OPCML: variants seen among roughly 807,000 people sequenced by gnomAD.
OPCML encodes opioid binding protein/cell adhesion molecule like.
A neutral mutation model predicts 37.8 loss-of-function variants in OPCML; 13 were observed. That is an observed-to-expected ratio of 0.34 (90% CI 0.22 to 0.55). The LOEUF (loss-of-function observed/expected upper bound fraction) is 0.55. Among genes scored for constraint, OPCML ranks in the 20% least tolerant of loss-of-function variants. The probability of loss-of-function intolerance (pLI) is 0.91; values close to 1 mark genes in which losing one functional copy is unlikely to be tolerated. For missense variants in OPCML, 341 were observed against 435.6 expected (o/e 0.78, Z 1.93); for synonymous variants, 176 against 168.8 (o/e 1.04, Z -0.33).
At position 133,230,504 on chromosome 11, in the gene OPCML, T is replaced by C. The variant is rs144884250; in HGVS notation, c.62-287494A>G. 8.7e-4 allele frequency among the ~76,000 whole-genome samples: 133 copies of C among 152,312 alleles called. 3 individuals carry two copies. The East Asian group carries it at 0.022, about 25-fold the overall frequency. Reference sequence around the variant, plus strand: ...GAACAAAAGCACAGGCCTTGAACCCTAACTGAAACAAGAGGTTTTCTCTCT... The same window carrying C: ...GAACAAAAGCACAGGCCTTGAACCCCAACTGAAACAAGAGGTTTTCTCTCT... On this transcript the variant is annotated intron_variant, in intron 1 of 7. Coordinates refer to ENST00000524381, the MANE Select transcript of OPCML (RefSeq NM_001012393.5).
At chr11:132,706,625 A>T (rs1013151627) in intron 2 of OPCML, among the ~76,000 whole-genome samples, 5 of 152,124 alleles carry the variant, frequency 3.3e-5, no homozygotes, top group African/African-American at 1.2e-4. Context: ...GTAAAATTCC[A>T]TTATGCGAGC....
intron 1 of OPCML, among the ~76,000 whole-genome samples, chr11:133,279,000 C>T (rs1942067295): frequency 6.6e-6 from 1 of 152,180 alleles, no homozygotes; most frequent in South Asian, 2.1e-4. Context: ...TGCAATCACC[C>T]GCTGGATTAA....
Position 133,410,634 on chromosome 11 carries a change from T to TAAAAAAAA in OPCML, c.61+121622_61+121629dup, listed in dbSNP as rs71038527. Among the ~76,000 whole-genome samples, 12 of 47,006 alleles carry TAAAAAAAA rather than the reference T, an allele frequency of 2.6e-4. 3 individuals are homozygous for TAAAAAAAA. Among genetic ancestry groups the TAAAAAAAA allele is most frequent in the East Asian group, 1.7e-3 (2 of 1,152 alleles). The allele number at this position is 47,006 out of a possible 152,430, so 30.8% of individuals were successfully genotyped here. A position where few individuals can be genotyped will look rare whatever the true frequency, so the allele number is the denominator to read the frequency against. ...TGAAAGCACACGTTAAGAAAAAAAG[T>TAAAAAAAA]AAAAAAAAAAAAAAAAAAAAAAAAA... On this transcript the variant is annotated intron_variant, in intron 1 of 7. Transcript: ENST00000524381.
chr11:133,355,588 G>A (rs994712681), intron 1 of OPCML, among the ~76,000 whole-genome samples: 3 of 152,124 alleles, frequency 2.0e-5, no homozygotes, highest in Admixed American at 6.5e-5. Flanking sequence ...CTACTATGTC[G>A]GTGGCACAGC....
intron 7 of OPCML, among the ~76,000 whole-genome samples, chr11:132,430,057 C>T (rs1337198468): frequency 2.0e-5 from 3 of 152,102 alleles, no homozygotes; most frequent in African/African-American, 7.2e-5. Context: ...TAGAGGGAGA[C>T]AGATCGTGGT....
At chr11:133,379,314 A>G (rs1565603233) in intron 1 of OPCML, among the ~76,000 whole-genome samples, 1 of 152,058 alleles carries the variant, frequency 6.6e-6, no homozygotes, top group Admixed American at 6.5e-5. Flanking sequence ...GGTCTTCTAC[A>G]CCCCTGTGCG....
At chr11:133,324,851 A>C (rs989161995) in intron 1 of OPCML, among the ~76,000 whole-genome samples, 1 of 152,086 alleles carries the variant, frequency 6.6e-6, no homozygotes, top group Admixed American at 6.6e-5. Flanking sequence ...TATGTTCTAT[A>C]TATAGAATTA....
At chr11:132,794,271 G>A (rs1938150220) in intron 2 of OPCML, among the ~76,000 whole-genome samples, 2 of 152,080 alleles carry the variant, frequency 1.3e-5, no homozygotes, top group South Asian at 4.1e-4. Flanking sequence ...TTTATTCTGA[G>A]GCTCTCTTTA....
At chr11:132,504,231 G>T (rs1234151456) in intron 4 of OPCML, among the ~76,000 whole-genome samples, 1 of 152,100 alleles carries the variant, frequency 6.6e-6, no homozygotes, top group Non-Finnish European at 1.5e-5. Flanking sequence ...ATGAAACAAA[G>T]ATTTCAAAGA....
chr11:132,668,940 T>G (rs1942339306), intron 2 of OPCML, among the ~76,000 whole-genome samples: 1 of 152,278 alleles, frequency 6.6e-6, no homozygotes, highest in Non-Finnish European at 1.5e-5. Flanking sequence ...AGGTTTATTT[T>G]CTCAGCTATA....
At chr11:132,668,013 C>T (rs1369307645) in intron 2 of OPCML, among the ~76,000 whole-genome samples, 2 of 152,034 alleles carry the variant, frequency 1.3e-5, no homozygotes, top group East Asian at 1.9e-4. Context: ...ACAGGAATTA[C>T]AAAATATTGA....
At chr11:132,534,387 A>G (rs2096334629) in intron 3 of OPCML, among the ~76,000 whole-genome samples, 1 of 152,210 alleles carries the variant, frequency 6.6e-6, no homozygotes, top group South Asian at 2.1e-4. Context: ...AGTAATTAGA[A>G]CTGTGCTTGC....
chr11:132,803,081 G>T (rs56195105), intron 2 of OPCML, among the ~76,000 whole-genome samples: 2 of 152,036 alleles, frequency 1.3e-5, no homozygotes, highest in African/African-American at 4.8e-5. Flanking sequence ...TCCTGGACAC[G>T]ATAACATCCT....
intron 1 of OPCML, among the ~76,000 whole-genome samples, chr11:133,342,546 A>G (rs1316902293): frequency 6.6e-6 from 1 of 152,190 alleles, no homozygotes; most frequent in Non-Finnish European, 1.5e-5. Context: ...TGCCAGACAC[A>G]TAAACAAGGC....
At chr11:132,863,321 G>T (rs148309674) in intron 2 of OPCML, among the ~76,000 whole-genome samples, 1 of 152,206 alleles carries the variant, frequency 6.6e-6, no homozygotes, top group South Asian at 2.1e-4. Context: ...AGGAGGACAT[G>T]ACCAAATAAA....
intron 1 of OPCML, among the ~76,000 whole-genome samples, chr11:133,115,996 G>T (rs1457664483): frequency 1.3e-5 from 2 of 151,942 alleles, no homozygotes; most frequent in Non-Finnish European, 1.5e-5. Context: ...TTGAGACGGG[G>T]TCTCGCTCTG....
intron 2 of OPCML, among the ~76,000 whole-genome samples, chr11:132,804,646 T>G (rs1242412654): frequency 2.0e-5 from 3 of 152,168 alleles, no homozygotes; most frequent in Non-Finnish European, 4.4e-5. Context: ...GTGTAATGAC[T>G]AGAAATAGAG....
At chr11:133,074,055 G>A (rs982442335) in intron 1 of OPCML, among the ~76,000 whole-genome samples, 4 of 152,062 alleles carry the variant, frequency 2.6e-5, no homozygotes, top group African/African-American at 9.7e-5. Flanking sequence ...TCCAGTAATG[G>A]GAATCTCATT....
In OPCML at chr11:133,217,660, T is replaced by C. The variant is rs539444248; in HGVS notation, c.62-274650A>G. 4.6e-5 allele frequency among the ~76,000 whole-genome samples: 7 copies of C among 152,174 alleles called. No homozygotes were observed. In the South Asian group the frequency reaches 1.2e-3, roughly 27 times the overall value. ...CCCAATTCAGGGGAGATGAGCAAGA[T>C]GGGGGACAAACTGCACCGATCTGCT... On this transcript the variant is annotated intron_variant, in intron 1 of 7. Transcript: ENST00000524381.
Sources: gnomAD v4.1 joint callset for allele counts (sites outside exome capture counted in the v4.1 genomes callset) on GRCh38, gnomAD v4.1.1 for gene constraint, MANE v1.5 for transcripts, NCBI Gene and HGNC (gene_info 2026-07-23, HGNC 2026-07-21) for gene names.